SUMF1: variants seen among roughly 807,000 people sequenced by gnomAD.
SUMF1 encodes sulfatase modifying factor 1, also known as formylglycine-generating enzyme.
A neutral mutation model predicts 47.6 loss-of-function variants in SUMF1; 48 were observed. The observed-to-expected ratio is 1.01, with a 90% confidence interval of 0.80 to 1.28. SUMF1 has a LOEUF of 1.28. Among genes scored for constraint, SUMF1 ranks in the 50% most tolerant of loss-of-function variants. SUMF1 has a pLI of 0.00. For synonymous variants in SUMF1, 230 were observed against 192.1 expected (o/e 1.20, Z -1.63); for missense variants, 571 against 485.4 (o/e 1.18, Z -1.66).
chr3:4,236,260 A>T (rs1466538793), intron 8 of SUMF1, among the ~76,000 whole-genome samples: 3 of 152,156 alleles, frequency 2.0e-5, no homozygotes, highest in African/African-American at 7.2e-5. Flanking sequence ...GAAATTGGCA[A>T]GGGATAATAA....
chr3:4,062,188 T>A (rs892836491), intron 9 of SUMF1, among the ~76,000 whole-genome samples: 2 of 152,034 alleles, frequency 1.3e-5, no homozygotes, highest in Admixed American at 1.3e-4. Context: ...GCCTGGGAAA[T>A]GGAAGCTGAC....
At chr3:4,405,646 C>A (rs1701352037) in intron 7 of SUMF1, among the ~76,000 whole-genome samples, 1 of 152,184 alleles carries the variant, frequency 6.6e-6, no homozygotes, top group African/African-American at 2.4e-5. Context: ...CCTCAGCCTC[C>A]CAGAGTGCTG....
chr3:4,080,199 C>A (rs949185211), intron 8 of SUMF1, among the ~76,000 whole-genome samples: 1 of 152,112 alleles, frequency 6.6e-6, no homozygotes, highest in Non-Finnish European at 1.5e-5. Context: ...CACAAATGCA[C>A]ACGTACATTC....
At chr3:4,169,510 G>A (rs1229312872) in intron 8 of SUMF1, among the ~76,000 whole-genome samples, 1 of 152,052 alleles carries the variant, frequency 6.6e-6, no homozygotes, top group African/African-American at 2.4e-5. Context: ...TCCCAGAGAG[G>A]AAAAAAGGAT....
chr3:4,278,066 A>AAC (rs1697455232), intron 8 of SUMF1, among the ~76,000 whole-genome samples: 1 of 152,164 alleles, frequency 6.6e-6, no homozygotes, highest in Non-Finnish European at 1.5e-5. Flanking sequence ...CAAGTATTTT[A>AAC]ACATGTTAAT....
chr3:4,259,678 T>A (rs1697042787), intron 8 of SUMF1, among the ~76,000 whole-genome samples: 1 of 152,174 alleles, frequency 6.6e-6, no homozygotes, highest in Non-Finnish European at 1.5e-5. Context: ...AATGAATAAT[T>A]CTGTATTCAA....
chr3:4,176,773 A>T lies in SUMF1; in HGVS notation c.1015-108028T>A, dbSNP rs55881354. Among the ~76,000 whole-genome samples the T allele has an allele frequency of 6.4e-3, 973 of 152,220 alleles. 16 individuals carry two copies. The highest frequency in any genetic ancestry group is 0.022 in the African/African-American group (931 of 41,548). Reference sequence around the variant, plus strand: ...TGGATAAAGAGTCAAGACCCATCAGAGTGCTGTATTCAGGAGACCCATCTC... The same window carrying T: ...TGGATAAAGAGTCAAGACCCATCAGTGTGCTGTATTCAGGAGACCCATCTC... On this transcript the variant is annotated intron_variant and NMD_transcript_variant, in intron 8 of 12. Coordinates refer to the SUMF1 transcript ENST00000448413.
At chr3:4,460,507 C>G (rs1055591735) in intron 1 of SUMF1, among the ~76,000 whole-genome samples, 3 of 151,846 alleles carry the variant, frequency 2.0e-5, no homozygotes. Context: ...CACTTTGTCT[C>G]TTGGTAAATA....
At chr3:4,341,568 A>C (rs1470840883) in intron 8 of SUMF1, among the ~76,000 whole-genome samples, 2 of 152,180 alleles carry the variant, frequency 1.3e-5, no homozygotes, top group Non-Finnish European at 1.5e-5. Context: ...AAAATTCCAG[A>C]ATTTTAAGAG....
chr3:4,334,697 C>G (rs1288540672), intron 8 of SUMF1, among the ~76,000 whole-genome samples: 8 of 152,272 alleles, frequency 5.3e-5, no homozygotes, highest in African/African-American at 1.7e-4. Context: ...GGTTCCCTGA[C>G]CAGGAATCAA....
chr3:4,146,648 T>C (rs1434916732), intron 8 of SUMF1, among the ~76,000 whole-genome samples: 1 of 152,026 alleles, frequency 6.6e-6, no homozygotes, highest in African/African-American at 2.4e-5. Context: ...AACTCGTCAT[T>C]TAACATTAGG....
At chr3:4,067,347 A>G (rs1370483792) in intron 9 of SUMF1, among the ~76,000 whole-genome samples, 2 of 152,204 alleles carry the variant, frequency 1.3e-5, no homozygotes, top group Non-Finnish European at 2.9e-5. Flanking sequence ...ATACCATATC[A>G]TGAAGGAGAG....
intron 8 of SUMF1, among the ~76,000 whole-genome samples, chr3:4,299,037 C>T (rs1697912931): frequency 1.3e-5 from 2 of 152,096 alleles, no homozygotes; most frequent in East Asian, 1.9e-4. Context: ...TTACCTAAAC[C>T]TTCTTATGTT....
intron 8 of SUMF1, among the ~76,000 whole-genome samples, chr3:4,347,354 C>T (rs771142581): frequency 4.1e-4 from 63 of 152,196 alleles, no homozygotes; most frequent in Non-Finnish European, 8.5e-4. Flanking sequence ...TGGGCTTCAT[C>T]ACTGGGATGC....
chr3:4,065,336 A>G (rs1220670445), intron 9 of SUMF1, among the ~76,000 whole-genome samples: 1 of 152,154 alleles, frequency 6.6e-6, no homozygotes, highest in Admixed American at 6.6e-5. Context: ...GGAAATCTAA[A>G]ACCAAAGGCC....
At chr3:4,098,015 G>A (rs185177776) in intron 8 of SUMF1, among the ~76,000 whole-genome samples, 1 of 152,232 alleles carries the variant, frequency 6.6e-6, no homozygotes, top group East Asian at 1.9e-4. Flanking sequence ...GCCTTCTCTG[G>A]CCTCTTGCCT....
chr3:4,317,870 C>T (rs1335944367), intron 8 of SUMF1, among the ~76,000 whole-genome samples: 2 of 152,112 alleles, frequency 1.3e-5, no homozygotes, highest in Admixed American at 1.3e-4. Context: ...AATTATTAGT[C>T]TTGAGAACTG....
chr3:4,188,049 C>A (rs75147954), intron 8 of SUMF1, among the ~76,000 whole-genome samples: 2,316 of 152,152 alleles, frequency 0.015, 29 homozygotes, highest in Non-Finnish European at 0.022. Flanking sequence ...TTCTCATATA[C>A]CCCCTACACA....
intron 8 of SUMF1, among the ~76,000 whole-genome samples, chr3:4,278,357 C>G (rs1202711063): frequency 6.6e-6 from 1 of 152,114 alleles, no homozygotes; most frequent in African/African-American, 2.4e-5. Flanking sequence ...ATAGGACATG[C>G]ATTAATCTCA....
Sources: allele counts gnomAD v4.1 joint callset (sites outside exome capture counted in the v4.1 genomes callset), GRCh38; gene constraint gnomAD v4.1.1; transcripts MANE v1.5; gene names NCBI Gene and HGNC (gene_info 2026-07-23, HGNC 2026-07-21).